RGS21: variants seen among roughly 807,000 people sequenced by gnomAD.
RGS21 encodes the protein regulator of G-protein signalling 21.
RGS21 carries 19 observed loss-of-function variants against 18.7 expected under a neutral mutation model. That is an observed-to-expected ratio of 1.01 (90% CI 0.71 to 1.49). The LOEUF is 1.49. Among genes scored for constraint, RGS21 ranks in the 40% most tolerant of loss-of-function variants. RGS21 has a pLI of 0.00. For missense variants in RGS21, 194 were observed against 176.8 expected, an observed-to-expected ratio of 1.10 and a Z score of -0.55; for synonymous variants, 56 against 57.8, an observed-to-expected ratio of 0.97 and a Z score of 0.14.
chr1:192,357,504 A>C (rs1389269794), intron 4 of RGS21, among the ~76,000 whole-genome samples: 2 of 151,872 alleles, frequency 1.3e-5, no homozygotes, highest in Non-Finnish European at 2.9e-5. Flanking sequence ...GGATTATCTC[A>C]TTTGGTCATC....
chr1:192,332,218 C>T (rs1414382872), intron 1 of RGS21, among the ~76,000 whole-genome samples: 2 of 151,778 alleles, frequency 1.3e-5, no homozygotes, highest in Admixed American at 6.6e-5. Context: ...AAAAAAGAAC[C>T]ATGCAAAGGA....
At chr1:192,347,974 G>C (rs1301002512) in intron 3 of RGS21, among the ~76,000 whole-genome samples, 1 of 146,692 alleles carries the variant, frequency 6.8e-6, no homozygotes, top group Non-Finnish European at 1.5e-5. Context: ...TAGGCTCGCT[G>C]TGTGTGTGTG....
intron 3 of RGS21, among the ~76,000 whole-genome samples, chr1:192,351,726 AAT>A (rs907067805): frequency 1.4e-5 from 2 of 147,918 alleles, no homozygotes; most frequent in African/African-American, 2.5e-5. Context: ...TAACACATAT[AAT>A]ATATATGCTA....
intron 3 of RGS21, among the ~76,000 whole-genome samples, chr1:192,349,050 T>C (rs1284010513): frequency 2.6e-5 from 4 of 152,170 alleles, no homozygotes; most frequent in African/African-American, 9.7e-5. Context: ...GAATATGGAA[T>C]TGCTGTTTAT....
Position 192,327,633 on chromosome 1 carries a change from C to T in RGS21, c.-61+10528C>T, listed in dbSNP as rs201412948. On this transcript the variant is annotated intron_variant, in intron 1 of 4. Coordinates refer to ENST00000417209, the MANE Select transcript of RGS21 (RefSeq NM_001039152.3). ...GATTACAGGCATGTGCCACCACACC[C>T]GGCTAATTTTTGTATTTTTAGTAGA... Among the ~76,000 whole-genome samples, 149 of 151,902 alleles carry T rather than the reference C, an allele frequency of 9.8e-4. 3 individuals are homozygous for T. The East Asian group carries it at 0.023, about 24-fold the overall frequency.
intron 4 of RGS21, among the ~76,000 whole-genome samples, chr1:192,355,650 G>A (rs1659101954): frequency 6.6e-6 from 1 of 151,388 alleles, no homozygotes; most frequent in Non-Finnish European, 1.5e-5. Flanking sequence ...AATAATGTGG[G>A]AGTGGCAAAC....
intron 2 of RGS21, among the ~76,000 whole-genome samples, chr1:192,346,504 TG>T (rs1658946102): frequency 6.6e-6 from 1 of 152,122 alleles, no homozygotes; most frequent in Non-Finnish European, 1.5e-5. Context: ...GTTTTATTTC[TG>T]GGCAGCAGAT....
At chr1:192,344,087 G>A (rs941997296) in intron 2 of RGS21, among the ~76,000 whole-genome samples, 1 of 151,836 alleles carries the variant, frequency 6.6e-6, no homozygotes, top group South Asian at 2.1e-4. Flanking sequence ...TAGTGTACAA[G>A]CTTTAAGAAT....
chr1:192,358,749 A>G (rs1222364896), intron 4 of RGS21, among the ~76,000 whole-genome samples: 2 of 152,128 alleles, frequency 1.3e-5, no homozygotes, highest in East Asian at 1.9e-4. Flanking sequence ...GTCACAAGAG[A>G]GCCAACAGGT....
chr1:192,364,824 T>C (rs1659231867), intron 4 of RGS21, among the ~76,000 whole-genome samples: 1 of 152,118 alleles, frequency 6.6e-6, no homozygotes. Context: ...GGTGAGCTTT[T>C]AATTTTAAGA....
At chr1:192,364,248 T>C (rs980366927) in intron 4 of RGS21, among the ~76,000 whole-genome samples, 6 of 152,070 alleles carry the variant, frequency 3.9e-5, no homozygotes, top group African/African-American at 1.4e-4. Flanking sequence ...TTGGCACTTG[T>C]TCTGGAACTT....
At chr1:192,335,862 G>A (rs1658759000) in intron 1 of RGS21, among the ~76,000 whole-genome samples, 1 of 152,142 alleles carries the variant, frequency 6.6e-6, no homozygotes, top group South Asian at 2.1e-4. Context: ...CAGTGTGTCT[G>A]AGAGGGAAAA....
At chr1:192,356,493 G>A (rs1659114544) in intron 4 of RGS21, among the ~76,000 whole-genome samples, 1 of 151,732 alleles carries the variant, frequency 6.6e-6, no homozygotes, top group Non-Finnish European at 1.5e-5. Context: ...AAATGGCAAA[G>A]CAACAAATGA....
intron 1 of RGS21, among the ~76,000 whole-genome samples, chr1:192,333,295 C>T (rs1436508158): frequency 6.6e-6 from 1 of 151,822 alleles, no homozygotes; most frequent in Non-Finnish European, 1.5e-5. Context: ...CACACACACA[C>T]ACACACACTT....
chr1:192,340,062 T>C (rs143888491), intron 1 of RGS21, among the ~76,000 whole-genome samples: 44 of 152,264 alleles, frequency 2.9e-4, no homozygotes, highest in Non-Finnish European at 6.0e-4. Context: ...TCTCATCATG[T>C]TAATTCTCCA....
intron 4 of RGS21, among the ~76,000 whole-genome samples, chr1:192,359,653 G>GTATATATATATATATATATA (rs1202366412): frequency 0.015 from 1,538 of 103,552 alleles, 15 homozygotes; most frequent in South Asian, 0.021. Flanking sequence ...ATGTGTGTGT[G>GTATATATATATATATATATA]TGTATATATA....
chr1:192,331,718 T>C (rs1658660624), intron 1 of RGS21, among the ~76,000 whole-genome samples: 1 of 151,912 alleles, frequency 6.6e-6, no homozygotes, highest in Non-Finnish European at 1.5e-5. Flanking sequence ...ACTAGAAGAT[T>C]ATGAAAATCA....
At chr1:192,345,425 T>C (rs1321573352) in intron 2 of RGS21, among the ~76,000 whole-genome samples, 1 of 152,116 alleles carries the variant, frequency 6.6e-6, no homozygotes, top group Non-Finnish European at 1.5e-5. Context: ...TGAAGGCCAT[T>C]TACCCTCTTC....
chr1:192,358,390 A>T (rs981232893), intron 4 of RGS21, among the ~76,000 whole-genome samples: 9 of 152,042 alleles, frequency 5.9e-5, no homozygotes, highest in African/African-American at 2.2e-4. Context: ...TTTAATAGCC[A>T]CCTTTGAGAA....
Sources: gnomAD v4.1 joint callset for allele counts (sites outside exome capture counted in the v4.1 genomes callset) on GRCh38, gnomAD v4.1.1 for gene constraint, MANE v1.5 for transcripts, NCBI Gene and HGNC (gene_info 2026-07-23, HGNC 2026-07-21) for gene names.